TNFSF8: variants seen among roughly 807,000 people sequenced by gnomAD.
The protein encoded by TNFSF8 is TNF superfamily member 8, also known as tumor necrosis factor ligand superfamily member 8.
TNFSF8 carries 4 observed loss-of-function variants against 22.0 expected under a neutral mutation model. That is an observed-to-expected ratio of 0.18 (90% CI 0.09 to 0.42). The LOEUF (loss-of-function observed/expected upper bound fraction) is 0.42. Ranked by LOEUF, TNFSF8 falls within the 10% of genes least tolerant of loss-of-function variation. The pLI is 1.00. For missense variants in TNFSF8, 233 were observed against 281.8 expected, an observed-to-expected ratio of 0.83 and a Z score of 1.24; for synonymous variants, 106 against 112.5, an observed-to-expected ratio of 0.94 and a Z score of 0.37.
intron 2 of TNFSF8, among the ~76,000 whole-genome samples, chr9:114,917,264 A>G (rs992243995): frequency 6.6e-5 from 10 of 152,188 alleles, no homozygotes; most frequent in Non-Finnish European, 2.9e-5. Context: ...TGTGTTTGCC[A>G]TCTAGGTTCT....
chr9:114,921,731 G>A (rs1311377370), intron 1 of TNFSF8, among the ~76,000 whole-genome samples: 4 of 152,196 alleles, frequency 2.6e-5, no homozygotes, highest in African/African-American at 7.2e-5. Context: ...CAATGACTTG[G>A]CTTTGTGTAA....
At chr9:114,894,015 C>A in exon 5 of TNFSF8, 1 of 1,361,944 alleles carries the variant, frequency 7.3e-7, no homozygotes, top group South Asian at 1.2e-5. Context: ...CATGACTTTC[C>A]ACTTAGCAGT....
chr9:114,905,861 C>A lies in TNFSF8; in HGVS notation c.277G>T (p.Ala93Ser), dbSNP rs769692877. 6.2e-7 allele frequency: 1 copy of A among 1,612,794 alleles called. No individual in the cohort carries two copies. Among genetic ancestry groups the A allele is most frequent in the East Asian group, 2.2e-5 (1 of 44,874 alleles). ...TAGGCCCATGACTTCTTGAATGGAGCCCTTTTCAGGATACATAAGAGGTCT... is the reference window on the plus strand; with the variant it reads ...TAGGCCCATGACTTCTTGAATGGAGACCTTTTCAGGATACATAAGAGGTCT... ...SEDLLCILKR[A>S]PFKKSWAYLQ... Residue 93 changes from alanine (A) to serine (S), a missense_variant, in exon 3 of 4, where the codon GCT becomes TCT. By Grantham distance (99) the Ala-to-Ser change is moderately conservative (BLOSUM62 1). Coordinates refer to ENST00000223795, the MANE Select transcript of TNFSF8 (RefSeq NM_001244.4).
chr9:114,906,201 C>G (rs1218890462), intron 2 of TNFSF8, among the ~76,000 whole-genome samples: 2 of 152,134 alleles, frequency 1.3e-5, no homozygotes, highest in Non-Finnish European at 2.9e-5. Flanking sequence ...TGGCACTATA[C>G]GTATTTCATC....
At chr9:114,926,934 C>T (rs927620858) in intron 1 of TNFSF8, among the ~76,000 whole-genome samples, 2 of 145,196 alleles carry the variant, frequency 1.4e-5, no homozygotes, top group Non-Finnish European at 3.0e-5. Context: ...TAAAATATAT[C>T]AATATATTAT....
In TNFSF8 at chr9:114,901,443, A is replaced by G. The variant is rs561403038; in HGVS notation, c.*2488T>C. On this transcript the variant is annotated 3_prime_UTR_variant, in exon 4 of 4. Coordinates refer to ENST00000223795, the MANE Select transcript of TNFSF8 (RefSeq NM_001244.4). Reference sequence around the variant, plus strand: ...GAGATTAGAAACCACTCACAGTGCAAAAGTCAGGTACCTCTGCTCAGAGAA... The same window carrying G: ...GAGATTAGAAACCACTCACAGTGCAGAAGTCAGGTACCTCTGCTCAGAGAA... 2.7e-5 allele frequency: 27 copies of G among 985,408 alleles called. No homozygotes were observed. In the South Asian group the frequency reaches 1.1e-3, roughly 41 times the overall value. The allele number at this position is 985,408 out of a possible 1,614,324, so 61.0% of individuals were successfully genotyped here.
intron 4 of TNFSF8, among the ~76,000 whole-genome samples, chr9:114,895,924 C>T (rs1827651264): frequency 6.6e-6 from 1 of 152,154 alleles, no homozygotes; most frequent in Admixed American, 6.5e-5. Context: ...TAGTGTTGCC[C>T]AATATTCCCA....
At chr9:114,910,987 T>C (rs1278088981) in intron 2 of TNFSF8, among the ~76,000 whole-genome samples, 1 of 152,214 alleles carries the variant, frequency 6.6e-6, no homozygotes, top group Non-Finnish European at 1.5e-5. Context: ...TGTATGGATG[T>C]CATGAAGATG....
chr9:114,923,012 G>A (rs1828008541), intron 1 of TNFSF8, among the ~76,000 whole-genome samples: 1 of 152,110 alleles, frequency 6.6e-6, no homozygotes, highest in Non-Finnish European at 1.5e-5. Context: ...GATGGCTGTA[G>A]GAGGCTGAGT....
intron 3 of TNFSF8, among the ~76,000 whole-genome samples, chr9:114,905,551 G>A (rs1394717623): frequency 6.6e-6 from 1 of 152,208 alleles, no homozygotes; most frequent in African/African-American, 2.4e-5. Flanking sequence ...GGTGGCAGTG[G>A]TGGTGGGGAC....
At chr9:114,896,909 C>CT (rs1006240725), downstream of TNFSF8, among the ~76,000 whole-genome samples, 215 of 150,816 alleles carry the variant, frequency 1.4e-3, no homozygotes, top group Middle Eastern at 3.4e-3. Context: ...TTTTTTCTTT[C>CT]TTTTTTTTTG....
chr9:114,929,624 A>G (rs1828110207), intron 1 of TNFSF8, among the ~76,000 whole-genome samples: 1 of 152,078 alleles, frequency 6.6e-6, no homozygotes, highest in Admixed American at 6.6e-5. Flanking sequence ...CTCAGAATCC[A>G]GTCTGAAGTC....
At chr9:114,922,332 TC>T (rs1356367226) in intron 1 of TNFSF8, among the ~76,000 whole-genome samples, 2 of 152,210 alleles carry the variant, frequency 1.3e-5, no homozygotes, top group African/African-American at 4.8e-5. Flanking sequence ...CACATTCCTT[TC>T]CTTGTTGCCC....
intron 4 of TNFSF8, chr9:114,894,294 G>A (rs1827636027): frequency 1.3e-6 from 1 of 744,388 alleles, no homozygotes; most frequent in Admixed American, 2.3e-5. Flanking sequence ...CATAGTGAGT[G>A]TAGTAAATTT....
At chr9:114,923,522 CT>C (rs1554778310) in intron 1 of TNFSF8, among the ~76,000 whole-genome samples, 5 of 89,746 alleles carry the variant, frequency 5.6e-5, no homozygotes, top group African/African-American at 4.7e-5. Flanking sequence ...TTCTTTCTTT[CT>C]TTTTTTTTTT....
chr9:114,929,808 C>T (rs543902597), intron 1 of TNFSF8, among the ~76,000 whole-genome samples: 2 of 151,016 alleles, frequency 1.3e-5, no homozygotes, highest in Non-Finnish European at 2.9e-5. Context: ...GATGGTCTAA[C>T]AATATTTTTC....
At chr9:114,923,509 TCTTTCTTTC>T (rs1564372319) in intron 1 of TNFSF8, among the ~76,000 whole-genome samples, 4 of 86,172 alleles carry the variant, frequency 4.6e-5, no homozygotes. Flanking sequence ...TTTCTTTCTT[TCTTTCTTTC>T]TTTCTTTTTT....
At chr9:114,920,949 G>A (rs1325561934) in intron 1 of TNFSF8, among the ~76,000 whole-genome samples, 5 of 152,158 alleles carry the variant, frequency 3.3e-5, no homozygotes, top group African/African-American at 1.2e-4. Flanking sequence ...GATTACAAGC[G>A]TGAGCCACCG....
chr9:114,898,934 G>A (rs1015801257), downstream of TNFSF8, among the ~76,000 whole-genome samples: 2 of 152,168 alleles, frequency 1.3e-5, no homozygotes, highest in South Asian at 2.1e-4. Flanking sequence ...AACTGCTGCC[G>A]CGAACAGGAA....
Sources: allele counts gnomAD v4.1 joint callset (sites outside exome capture counted in the v4.1 genomes callset), GRCh38; gene constraint gnomAD v4.1.1; transcripts MANE v1.5; gene names NCBI Gene and HGNC (gene_info 2026-07-23, HGNC 2026-07-21).